CELF5: variants seen among roughly 807,000 people sequenced by gnomAD.
The protein encoded by CELF5 is CUGBP Elav-like family member 5, also known as CUG-BP and ETR-3 like factor 5.
A neutral mutation model predicts 54.9 loss-of-function variants in CELF5; 6 were observed. That is an observed-to-expected ratio of 0.11 (90% CI 0.06 to 0.22). The LOEUF is 0.22. CELF5 is among the 10% of genes least tolerant of loss of function. The probability of loss-of-function intolerance (pLI) is 1.00; values close to 1 mark genes in which losing one functional copy is unlikely to be tolerated. For missense variants in CELF5, 401 were observed against 678.6 expected, an observed-to-expected ratio of 0.59 and a Z score of 4.54; for synonymous variants, 271 against 290.9, an observed-to-expected ratio of 0.93 and a Z score of 0.70.
intron 1 of CELF5, among the ~76,000 whole-genome samples, chr19:3,250,640 T>TC (rs1555720043): frequency 2.0e-5 from 3 of 152,046 alleles, no homozygotes; most frequent in Non-Finnish European, 4.4e-5. Flanking sequence ...CTCATTCCCC[T>TC]CCCCAGCCCC....
intron 9 of CELF5, among the ~76,000 whole-genome samples, chr19:3,285,528 A>G (rs1311421945): frequency 2.5e-5 from 2 of 79,548 alleles, no homozygotes; most frequent in Non-Finnish European, 5.0e-5. Flanking sequence ...CCTTCATCCC[A>G]GTCTTGCCCC....
rs755280485 is a variant in CELF5, at chr19:3,285,936, C to A, written c.1103-6C>A. On this transcript the variant is annotated splice_polypyrimidine_tract_variant and splice_region_variant and intron_variant, in intron 9 of 12. Transcript: ENST00000292672. ...CTCGCCCTGTGTCTCGCTCCGGTCT[C>A]CGCAGCCATGTACCCCACCGCGGCC... 2.5e-6 allele frequency: 4 copies of A among 1,573,358 alleles called. No homozygotes were observed. Among genetic ancestry groups the A allele is most frequent in the Non-Finnish European group, 3.4e-6 (4 of 1,166,842 alleles).
At chr19:3,274,856 G>T (rs892811025) in intron 3 of CELF5, among the ~76,000 whole-genome samples, 1 of 152,056 alleles carries the variant, frequency 6.6e-6, no homozygotes, top group African/African-American at 2.4e-5. Flanking sequence ...GGGACAGGGA[G>T]TAGCGAGGTG....
At chr19:3,247,325 A>G (rs2079580905) in intron 1 of CELF5, among the ~76,000 whole-genome samples, 1 of 151,816 alleles carries the variant, frequency 6.6e-6, no homozygotes, top group Admixed American at 6.6e-5. Context: ...ATAGGGTTTC[A>G]CCGTGTTAGC....
At chr19:3,285,536 C>T (rs2080227315) in intron 9 of CELF5, among the ~76,000 whole-genome samples, 1 of 150,156 alleles carries the variant, frequency 6.7e-6, no homozygotes. Flanking sequence ...CCAGTCTTGC[C>T]CCCGCCCTCC....
intron 1 of CELF5, among the ~76,000 whole-genome samples, chr19:3,237,053 C>T (rs902748852): frequency 6.7e-6 from 1 of 150,006 alleles, no homozygotes; most frequent in Middle Eastern, 3.2e-3. Flanking sequence ...TGGCTCACGC[C>T]TGTAATCCCA....
At chr19:3,255,917 T>C (rs2079718211) in intron 2 of CELF5, among the ~76,000 whole-genome samples, 1 of 151,816 alleles carries the variant, frequency 6.6e-6, no homozygotes, top group South Asian at 2.1e-4. Flanking sequence ...GTACAAAAAT[T>C]AGCTGGGCGT....
Position 3,282,102 on chromosome 19 carries a change from A to G in CELF5, c.751-24A>G, listed in dbSNP as rs368865901. ...TGATCTCAGGGCAGATATCACCCCA[A>G]CTGTGACATGTCTTCACCCCCAGCT... On this transcript the variant is annotated intron_variant, in intron 6 of 12. Transcript: ENST00000292672. This position sits in a 1 kb window ranked among gnomAD's most constrained non-coding sequence, Gnocchi z 5.2. 2.5e-6 allele frequency: 4 copies of G among 1,613,812 alleles called. No individual in the cohort carries two copies. The African/African-American group carries it at 4.0e-5, about 16-fold the overall frequency.
chr19:3,272,096 A>G (rs955338462), intron 2 of CELF5, among the ~76,000 whole-genome samples: 1 of 152,176 alleles, frequency 6.6e-6, no homozygotes, highest in Non-Finnish European at 1.5e-5. Context: ...GGCCGGGTGC[A>G]GGGGCTCACG....
intron 5 of CELF5, among the ~76,000 whole-genome samples, chr19:3,280,444 G>A (rs1256897186): frequency 1.3e-5 from 2 of 151,968 alleles, no homozygotes; most frequent in African/African-American, 4.8e-5. Context: ...GCGTGATGGC[G>A]GGCACCTGTA....
At chr19:3,248,013 C>T (rs1374057435) in intron 1 of CELF5, among the ~76,000 whole-genome samples, 4 of 152,116 alleles carry the variant, frequency 2.6e-5, no homozygotes, top group Admixed American at 2.0e-4. Flanking sequence ...GATCCACCGG[C>T]CTCTGCCTCC....
chr19:3,227,412 C>T (rs1916987545), intron 1 of CELF5, among the ~76,000 whole-genome samples: 1 of 152,134 alleles, frequency 6.6e-6, no homozygotes, highest in South Asian at 2.1e-4. Flanking sequence ...AGGGCTGTTT[C>T]TGGGAGCCCT....
At chr19:3,273,248 C>T (rs2079995173) in intron 2 of CELF5, among the ~76,000 whole-genome samples, 2 of 152,042 alleles carry the variant, frequency 1.3e-5, no homozygotes, top group Admixed American at 1.3e-4. Flanking sequence ...CTCCTGGGGT[C>T]GCTCAAGCAG....
intron 4 of CELF5, among the ~76,000 whole-genome samples, chr19:3,277,306 C>T (rs187465957): frequency 1.7e-4 from 26 of 151,936 alleles, no homozygotes; most frequent in African/African-American, 6.3e-4. Flanking sequence ...AAACCCGTCT[C>T]TACAAAAAAT....
At chr19:3,261,673 T>C (rs1245253448) in intron 2 of CELF5, among the ~76,000 whole-genome samples, 1 of 151,840 alleles carries the variant, frequency 6.6e-6, no homozygotes, top group Non-Finnish European at 1.5e-5. Flanking sequence ...TTTTAAAAAC[T>C]ACCTGGGCAT....
intron 2 of CELF5, among the ~76,000 whole-genome samples, chr19:3,260,481 G>A (rs1487624859): frequency 6.6e-6 from 1 of 151,634 alleles, no homozygotes; most frequent in East Asian, 1.9e-4. Flanking sequence ...TAGACATAGG[G>A]TCTTGCTCTG....
At chr19:3,284,753 G>C (rs1318063319) in intron 8 of CELF5, 149 bp from the exon 9 acceptor site, 3 of 678,364 alleles carry the variant, frequency 4.4e-6, no homozygotes, top group Non-Finnish European at 8.0e-6. Flanking sequence ...CACCTTCCTC[G>C]GCCTCAGCTT....
chr19:3,231,875 T>G (rs1917283376), intron 1 of CELF5, among the ~76,000 whole-genome samples: 1 of 151,080 alleles, frequency 6.6e-6, no homozygotes, highest in Non-Finnish European at 1.5e-5. Context: ...AATGAGTGAA[T>G]GAATAGATGG....
At chr19:3,267,485 C>T (rs2079899825) in intron 2 of CELF5, among the ~76,000 whole-genome samples, 1 of 152,216 alleles carries the variant, frequency 6.6e-6, no homozygotes, top group African/African-American at 2.4e-5. Context: ...CAGCCCCGGA[C>T]ACCACTTCCC....
Sources: allele counts gnomAD v4.1 joint callset (sites outside exome capture counted in the v4.1 genomes callset), GRCh38; gene constraint gnomAD v4.1.1; non-coding constraint Gnocchi (gnomAD v3.1); transcripts MANE v1.5; gene names NCBI Gene and HGNC (gene_info 2026-07-23, HGNC 2026-07-21).